The following TTI2 variants were observed in gnomAD, a reference collection of about 807,000 sequenced individuals.
TTI2 encodes TELO2-interacting protein 2.
In TTI2, 26 loss-of-function variants were observed where a neutral mutation model predicts 44.9. The ratio of observed to expected loss-of-function variants is 0.58; its 90% CI spans 0.42 to 0.80. The LOEUF is 0.80. TTI2 is among the 30% of genes least tolerant of loss of function. The pLI is 0.00. For missense variants in TTI2, 582 were observed against 611.6 expected, an observed-to-expected ratio of 0.95 and a Z score of 0.51; for synonymous variants, 254 against 250.9, an observed-to-expected ratio of 1.01 and a Z score of -0.12.
intron 4 of TTI2, 98 bp downstream of exon 4, chr8:33,507,131 G>T: frequency 9.2e-7 from 1 of 1,082,446 alleles, no homozygotes; most frequent in Non-Finnish European, 1.4e-6. Context: ...ACTTTCCAAG[G>T]CAGGAAAATG....
chr8:33,509,979 C>CAAAAAAA (rs10588315), intron 2 of TTI2, 47 bp from the exon 3 acceptor site: 24 of 418,120 alleles, frequency 5.7e-5, no homozygotes, highest in East Asian at 1.5e-4. Context: ...TGATAAGTAG[C>CAAAAAAA]AAAAAAAAAA....
In TTI2 at chr8:33,509,148, A is replaced by G. The variant is rs528711457; in HGVS notation, c.834+598T>C. Among the ~76,000 whole-genome samples the G allele has an allele frequency of 3.9e-4, 57 of 145,588 alleles. 1 individual carries two copies. The East Asian group carries it at 4.1e-3, about 10-fold the overall frequency. On this transcript the variant is annotated intron_variant, in intron 3 of 7. Coordinates refer to ENST00000431156, the MANE Select transcript of TTI2 (RefSeq NM_001102401.4). ...ATAATGTCTCAAAAAAAAAAAAAAA[A>G]AAAGAAAGAAAGAAAGGAAGTAGGC...
intron 4 of TTI2, among the ~76,000 whole-genome samples, chr8:33,505,754 A>G (rs1360302604): frequency 6.6e-6 from 1 of 152,152 alleles, no homozygotes; most frequent in Non-Finnish European, 1.5e-5. Context: ...CCTGGGTTCA[A>G]GTGATTCTCC....
At chr8:33,508,087 T>TAAAAAAAAAAAAA (rs58891946) in intron 3 of TTI2, among the ~76,000 whole-genome samples, 7 of 19,492 alleles carry the variant, frequency 3.6e-4, no homozygotes, top group Non-Finnish European at 3.5e-4. Flanking sequence ...CTAGCGGTAG[T>TAAAAAAAAAAAAA]AAAAAAAAAA....
Position 33,503,888 on chromosome 8 carries a change from G to T in TTI2, c.975C>A (p.Thr325=). The change falls in exon 5 of 8, where the codon ACC becomes ACA. Residue 325 remains threonine, a synonymous_variant. Coordinates refer to ENST00000431156, the MANE Select transcript of TTI2 (RefSeq NM_001102401.4). ...LLDLFPILEK[T]LHWKGDGARP... ...GAGCTCCATCTCCTTTCCAGTGCAG[G>T]GTTTTCTCCAGGATGGGGAATAAAT... 1 of 1,614,028 alleles carries T rather than the reference G, an allele frequency of 6.2e-7. No individual in the cohort carries two copies. Among genetic ancestry groups the T allele is most frequent in the Non-Finnish European group, 8.5e-7 (1 of 1,180,014 alleles).
At chr8:33,500,174 C>T (rs1381982335) in intron 7 of TTI2, 154 bp downstream of exon 7, 4 of 755,152 alleles carry the variant, frequency 5.3e-6, no homozygotes, top group African/African-American at 1.8e-5. Context: ...AAAGATCAAG[C>T]TCTTTTGAGG....
Position 33,503,925 on chromosome 8 carries a change from A to T in TTI2, c.938T>A (p.Leu313Gln), listed in dbSNP as rs1432553864. The stretch of plus-strand genomic sequence containing the variant: ...GATGGGGAATAAATCCAGCAGACAC[A>T]GGAGCACAGCCTAGGAGGAAGGAAT... ...PEHHLIQAVL[L>Q]CLLDLFPILE... is the part of the protein sequence containing the mutation. The change falls in exon 5 of 8, where the codon CTG becomes CAG. Residue 313 changes from leucine to glutamine, a missense_variant. Transcript: ENST00000431156. The T allele has an allele frequency of 1.2e-6, 2 of 1,614,082 alleles. No individual in the cohort carries two copies. The highest frequency in any genetic ancestry group is 1.7e-5 in the Admixed American group (1 of 60,002).
chr8:33,509,132 C>CAAAA (rs751009227), intron 3 of TTI2, among the ~76,000 whole-genome samples: 18 of 96,942 alleles, frequency 1.9e-4, no homozygotes, highest in Non-Finnish European at 2.8e-4. Context: ...GATAATGTCT[C>CAAAA]AAAAAAAAAA....
At chr8:33,507,441 A>C in intron 3 of TTI2, 120 bp from the exon 4 acceptor site, 1 of 831,830 alleles carries the variant, frequency 1.2e-6, no homozygotes, top group Non-Finnish European at 2.0e-6. Flanking sequence ...CAAAATATGC[A>C]TGATTGTTTC....
intron 2 of TTI2, 39 bp from the exon 3 acceptor site, chr8:33,509,971 AT>A: frequency 1.2e-6 from 1 of 804,516 alleles, no homozygotes; most frequent in African/African-American, 2.1e-5. Flanking sequence ...TGACATGGTG[AT>A]AAGTAGCAAA....
In TTI2 at chr8:33,511,820, C is replaced by T. The variant is rs1404252243; in HGVS notation, c.647+147G>A. 2.6e-5 allele frequency: 23 copies of T among 868,248 alleles called. No homozygotes were observed. In the East Asian group the frequency reaches 4.5e-4, roughly 17 times the overall value. The allele number at this position is 868,248 out of a possible 1,614,324, so 53.8% of individuals were successfully genotyped here. ...AGGAGAATCGCTTGAACCCAGGAGG[C>T]GGAGGTTGCAGTGAGCTGAGATCGC... On this transcript the variant is annotated intron_variant, in intron 2 of 7. Coordinates refer to ENST00000431156, the MANE Select transcript of TTI2 (RefSeq NM_001102401.4).
intron 3 of TTI2, among the ~76,000 whole-genome samples, chr8:33,507,617 T>C (rs1809347500): frequency 6.6e-6 from 1 of 152,010 alleles, no homozygotes; most frequent in Non-Finnish European, 1.5e-5. Context: ...GCAATGGACC[T>C]ACATAAACTG....
Position 33,503,901 on chromosome 8 carries a change from A to G in TTI2, c.962T>C (p.Ile321Thr). 2 of 1,614,038 alleles carry G rather than the reference A, an allele frequency of 1.2e-6. No homozygotes were observed. The highest frequency in any genetic ancestry group is 8.5e-7 in the Non-Finnish European group (1 of 1,180,008). ...VLLCLLDLFP[I>T]LEKTLHWKGD... ...TTTCCAGTGCAGGGTTTTCTCCAGG[A>G]TGGGGAATAAATCCAGCAGACACAG... is the stretch of plus-strand genomic sequence containing the variant. The change falls in exon 5 of 8, where the codon ATC (isoleucine) becomes ACC (threonine). Residue 321 changes from isoleucine to threonine, a missense_variant. Transcript: ENST00000431156.
intron 4 of TTI2, 24 bp from the exon 5 acceptor site, chr8:33,503,959 G>GGT: frequency 1.2e-6 from 2 of 1,610,690 alleles, no homozygotes; most frequent in Non-Finnish European, 1.7e-6. Flanking sequence ...ATGGAAGGAC[G>GGT]GTGCATAGTT....
chr8:33,511,301 C>A (rs920473423), intron 2 of TTI2, among the ~76,000 whole-genome samples: 1 of 152,002 alleles, frequency 6.6e-6, no homozygotes, highest in African/African-American at 2.4e-5. Context: ...CCTCGGCCTC[C>A]CAAAGTGCTG....
At chr8:33,508,535 C>T (rs1014271434) in intron 3 of TTI2, among the ~76,000 whole-genome samples, 1 of 145,950 alleles carries the variant, frequency 6.9e-6, no homozygotes, top group African/African-American at 2.5e-5. Flanking sequence ...CGTTTGAACC[C>T]GGGAGGCAGA....
intron 3 of TTI2, among the ~76,000 whole-genome samples, chr8:33,507,604 G>C (rs1809346839): frequency 6.6e-6 from 1 of 151,996 alleles, no homozygotes; most frequent in South Asian, 2.1e-4. Context: ...GGAATTGAAG[G>C]CTGCAATGGA....
chr8:33,500,771 T>A (rs542246825), intron 6 of TTI2: 98 of 348,712 alleles, frequency 2.8e-4, no homozygotes, highest in Middle Eastern at 9.2e-4. Context: ...AGCTCCTTCA[T>A]GGGCTGAGAA....
chr8:33,503,598 G>A lies in TTI2; in HGVS notation c.1116-26C>T, dbSNP rs115995445. On this transcript the variant is annotated intron_variant, in intron 5 of 7. Transcript: ENST00000431156. Reference sequence around the variant, plus strand: ...CTAAAGATGAAAGAGAAAATATGACGCCAGTGCAGTGGCTCATGCCTGTAA... The same window carrying A: ...CTAAAGATGAAAGAGAAAATATGACACCAGTGCAGTGGCTCATGCCTGTAA... 1.6e-4 allele frequency: 258 copies of A among 1,612,728 alleles called. 1 individual carries two copies. In the African/African-American group the frequency reaches 3.1e-3, roughly 20 times the overall value.
Sources: gnomAD v4.1 joint callset for allele counts (sites outside exome capture counted in the v4.1 genomes callset) on GRCh38, gnomAD v4.1.1 for gene constraint, MANE v1.5 for transcripts, NCBI Gene and HGNC (gene_info 2026-07-23, HGNC 2026-07-21) for gene names.